The following FGF10 variants were observed in gnomAD, a reference collection of about 807,000 sequenced individuals.
FGF10 encodes the protein FGF-10.
A neutral mutation model predicts 19.8 loss-of-function variants in FGF10; 2 were observed. The ratio of observed to expected loss-of-function variants is 0.10; its 90% CI spans 0.04 to 0.32. The LOEUF (loss-of-function observed/expected upper bound fraction) is 0.32, where lower values mean the gene tolerates loss of function less well. FGF10 is among the 10% of genes least tolerant of loss of function. The pLI is 1.00. For missense variants in FGF10, 191 were observed against 246.3 expected, an observed-to-expected ratio of 0.78 and a Z score of 1.50; for synonymous variants, 112 against 94.0, an observed-to-expected ratio of 1.19 and a Z score of -1.10.
At chr5:44,358,811 T>C (rs1461996269) in intron 1 of FGF10, among the ~76,000 whole-genome samples, 9 of 151,484 alleles carry the variant, frequency 5.9e-5, no homozygotes, top group Non-Finnish European at 1.2e-4. Flanking sequence ...ACATCAGTTT[T>C]AATGGTACAT....
intron 1 of FGF10, among the ~76,000 whole-genome samples, chr5:44,376,007 C>T (rs1315646305): frequency 2.6e-5 from 4 of 151,826 alleles, no homozygotes; most frequent in Non-Finnish European, 4.4e-5. Flanking sequence ...TTTTATTATT[C>T]AATGATTTAG....
chr5:44,348,735 T>A (rs2111813087), intron 1 of FGF10, among the ~76,000 whole-genome samples: 1 of 151,730 alleles, frequency 6.6e-6, no homozygotes. Flanking sequence ...ATAAAAAGAA[T>A]CTGTTATTTA....
At chr5:44,313,233 G>A (rs916066933) in intron 1 of FGF10, among the ~76,000 whole-genome samples, 1 of 152,038 alleles carries the variant, frequency 6.6e-6, no homozygotes, top group Non-Finnish European at 1.5e-5. Flanking sequence ...GTGAGTAATG[G>A]ACAATGACTG....
Position 44,304,647 on chromosome 5 carries a change from G to A in FGF10, c.*348C>T, listed in dbSNP as rs540246901. 2 of 270,504 alleles carry A rather than the reference G, an allele frequency of 7.4e-6. No homozygotes were observed. Among genetic ancestry groups the A allele is most frequent in the Admixed American group, 5.0e-5 (1 of 20,082 alleles). 16.8% of individuals were successfully genotyped at this position (270,504 alleles called of 1,614,324 possible). On this transcript the variant is annotated 3_prime_UTR_variant, in exon 3 of 3. Transcript: ENST00000264664. The stretch of plus-strand genomic sequence containing the variant: ...TCCATAAATAACTTTCCCGAAGATC[G>A]TTCTTTCAACAGATTGTTCTATGTC...
At chr5:44,315,636 A>T (rs545038996) in intron 1 of FGF10, among the ~76,000 whole-genome samples, 1 of 152,178 alleles carries the variant, frequency 6.6e-6, no homozygotes, top group South Asian at 2.1e-4. Flanking sequence ...AATGCTATAT[A>T]GTTTTATAGT....
chr5:44,362,856 T>C (rs1741523639), intron 1 of FGF10, among the ~76,000 whole-genome samples: 1 of 151,692 alleles, frequency 6.6e-6, no homozygotes, highest in South Asian at 2.1e-4. Flanking sequence ...TCTTCCCCTC[T>C]CTTTTTGTGC....
intron 1 of FGF10, 96 bp from the exon 2 acceptor site, chr5:44,310,626 G>A (rs1391565156): frequency 5.4e-6 from 5 of 922,146 alleles, no homozygotes; most frequent in Non-Finnish European, 8.5e-6. Flanking sequence ...TTTTTTGTGT[G>A]GTTCTAAAAA....
intron 1 of FGF10, among the ~76,000 whole-genome samples, chr5:44,380,064 GA>G (rs1489749017): frequency 1.6e-4 from 25 of 152,088 alleles, no homozygotes; most frequent in African/African-American, 6.0e-4. Flanking sequence ...CTTCTGCAGA[GA>G]TATTCCCAAA....
Position 44,388,498 on chromosome 5 carries a change from C to G in FGF10, c.185G>C (p.Ser62Thr). Residue 62 changes from serine to threonine, a missense_variant, in exon 1 of 3, where the codon AGC becomes ACC. Coordinates refer to ENST00000264664, the MANE Select transcript of FGF10 (RefSeq NM_004465.2). ...SSSSSFSSPS[S>T]AGRHVRSYNH... is the part of the protein sequence containing the mutation. ...GTAGCTCCGCACATGCCTTCCCGCGCTGGAAGGAGAGGAGAAGGAGGAGGA... is the reference window on the plus strand; with the variant it reads ...GTAGCTCCGCACATGCCTTCCCGCGGTGGAAGGAGAGGAGAAGGAGGAGGA... 1 of 1,614,094 alleles carries G rather than the reference C, an allele frequency of 6.2e-7. No homozygotes were observed. The highest frequency in any genetic ancestry group is 8.5e-7 in the Non-Finnish European group (1 of 1,180,028).
At chr5:44,366,423 A>G (rs1741615930) in intron 1 of FGF10, among the ~76,000 whole-genome samples, 1 of 151,914 alleles carries the variant, frequency 6.6e-6, no homozygotes, top group African/African-American at 2.4e-5. Flanking sequence ...ATTGCTTCTT[A>G]GTTTCATGTT....
intron 1 of FGF10, among the ~76,000 whole-genome samples, chr5:44,311,915 T>A (rs1216456706): frequency 1.3e-5 from 2 of 152,070 alleles, no homozygotes; most frequent in Non-Finnish European, 2.9e-5. Flanking sequence ...TCTTTCCTAT[T>A]CCTTCACAGG....
At chr5:44,325,363 G>A (rs1249350908) in intron 1 of FGF10, among the ~76,000 whole-genome samples, 2 of 151,854 alleles carry the variant, frequency 1.3e-5, no homozygotes, top group Non-Finnish European at 2.9e-5. Context: ...AATACCATTT[G>A]ACCTAGCCAT....
At chr5:44,339,801 A>T (rs1388230578) in intron 1 of FGF10, among the ~76,000 whole-genome samples, 17 of 152,092 alleles carry the variant, frequency 1.1e-4, no homozygotes, top group Admixed American at 1.1e-3. Flanking sequence ...TCTCAGACAA[A>T]GGACTGGCAC....
chr5:44,376,698 C>T (rs958725698), intron 1 of FGF10, among the ~76,000 whole-genome samples: 2 of 151,634 alleles, frequency 1.3e-5, no homozygotes, highest in East Asian at 3.9e-4. Flanking sequence ...AGAATAATGT[C>T]ATTTTAGTGA....
chr5:44,326,422 A>G (rs775645459), intron 1 of FGF10, among the ~76,000 whole-genome samples: 1 of 152,132 alleles, frequency 6.6e-6, no homozygotes, highest in African/African-American at 2.4e-5. Flanking sequence ...TTGTTGAGAC[A>G]GGGTCTCACT....
intron 1 of FGF10, among the ~76,000 whole-genome samples, chr5:44,329,408 C>G (rs1484833365): frequency 6.6e-6 from 1 of 152,088 alleles, no homozygotes; most frequent in African/African-American, 2.4e-5. Flanking sequence ...AACTTCTGAC[C>G]TCTTGATCCT....
rs887314909 is a variant in FGF10 at position 44,386,847 on chromosome 5, G to A, written c.325+1511C>T. Among the ~76,000 whole-genome samples the A allele has an allele frequency of 2.0e-5, 3 of 152,170 alleles. No individual in the cohort carries two copies. The East Asian group carries it at 5.8e-4, about 29-fold the overall frequency. ...TGTTGAATGTGTGTGCATCCCCACA[G>A]AAGAAAACTAAATTCTTAATTCTTG... On this transcript the variant is annotated intron_variant, in intron 1 of 2. Transcript: ENST00000264664.
At chr5:44,361,173 G>C (rs1409074787) in intron 1 of FGF10, among the ~76,000 whole-genome samples, 6 of 151,652 alleles carry the variant, frequency 4.0e-5, no homozygotes, top group Admixed American at 2.6e-4. Context: ...ATCTTGACTG[G>C]AATGATGACA....
chr5:44,346,698 T>A (rs965655493), intron 1 of FGF10, among the ~76,000 whole-genome samples: 1 of 151,874 alleles, frequency 6.6e-6, no homozygotes, highest in Non-Finnish European at 1.5e-5. Context: ...AATAATCTGA[T>A]ACAAATAATC....
Sources: allele counts gnomAD v4.1 joint callset (sites outside exome capture counted in the v4.1 genomes callset), GRCh38; gene constraint gnomAD v4.1.1; transcripts MANE v1.5; gene names NCBI Gene and HGNC (gene_info 2026-07-23, HGNC 2026-07-21).